The following MACF1 variants were observed in gnomAD, a reference collection of about 807,000 sequenced individuals.
MACF1 encodes microtubule actin crosslinking factor 1.
In MACF1, 193 loss-of-function variants were observed where a neutral mutation model predicts 854.8. That is an observed-to-expected ratio of 0.23 (90% confidence interval 0.20 to 0.25). MACF1 has a LOEUF of 0.25. Among genes scored for constraint, MACF1 ranks in the 10% least tolerant of loss-of-function variants. MACF1 has a pLI of 1.00. For missense variants in MACF1, 7,722 were observed against 8,929.1 expected (o/e 0.86, Z 5.45); for synonymous variants, 3,185 against 3,226.7 (o/e 0.99, Z 0.44).
intron 2 of MACF1, among the ~76,000 whole-genome samples, chr1:39,122,994 G>A (rs1642756337): frequency 1.3e-5 from 2 of 152,038 alleles, no homozygotes; most frequent in South Asian, 4.1e-4. Context: ...AGCAAAAGTA[G>A]CAGAGAAACA....
intron 6 of MACF1, chr1:39,269,360 T>C (rs1269718383): frequency 2.3e-6 from 3 of 1,289,302 alleles, no homozygotes; most frequent in East Asian, 1.1e-4. Flanking sequence ...AGGGCTGGAG[T>C]GTGGAGGAAG....
At chr1:39,476,580 A>G in intron 97 of MACF1, among the ~76,000 whole-genome samples, 1 of 152,026 alleles carries the variant, frequency 6.6e-6, no homozygotes, top group Admixed American at 6.6e-5. Context: ...CAAAAAAAAA[A>G]AAGAAAGAAA....
At chr1:39,121,257 A>G (rs1472818510) in intron 2 of MACF1, among the ~76,000 whole-genome samples, 2 of 152,154 alleles carry the variant, frequency 1.3e-5, no homozygotes, top group Non-Finnish European at 2.9e-5. Context: ...TCTCCTTACC[A>G]GGTAAGTGGG....
At chr1:39,173,603 C>T (rs1274313240) in intron 2 of MACF1, among the ~76,000 whole-genome samples, 2 of 152,130 alleles carry the variant, frequency 1.3e-5, no homozygotes, top group African/African-American at 2.4e-5. Context: ...TGAACAGTCC[C>T]CTCTGGGCAG....
At chr1:39,128,075 T>G (rs1642906392) in intron 2 of MACF1, among the ~76,000 whole-genome samples, 1 of 152,176 alleles carries the variant, frequency 6.6e-6, no homozygotes, top group Non-Finnish European at 1.5e-5. Flanking sequence ...TCCTTACAGG[T>G]TTTTTCTTGC....
At chr1:39,386,525 C>T (rs182541557) in intron 57 of MACF1, among the ~76,000 whole-genome samples, 21 of 151,678 alleles carry the variant, frequency 1.4e-4, no homozygotes, top group East Asian at 7.8e-4. Flanking sequence ...TCCGCCTCCT[C>T]GGTTCAAGCA....
Position 39,334,763 on chromosome 1 carries a change from G to A in MACF1, c.8175G>A (p.Gln2725=). Residue 2725 remains glutamine (Q), a synonymous_variant, in exon 37 of 101, where the codon CAG becomes CAA. Coordinates refer to ENST00000564288, the MANE Select transcript of MACF1 (RefSeq NM_001394062.1). Reference sequence around the variant, plus strand: ...TGGTCAGAATTATTGCATCTCATCAGGTGTTAAATGGAGGAATTGTTGACA... The same window carrying A: ...TGGTCAGAATTATTGCATCTCATCAAGTGTTAAATGGAGGAATTGTTGACA... ...ENMVRIIASH[Q]VLNGGIVDIF... The A allele has an allele frequency of 6.2e-7, 1 of 1,614,142 alleles. No homozygotes were observed. The highest frequency in any genetic ancestry group is 1.1e-5 in the South Asian group (1 of 91,070).
intron 49 of MACF1, 79 bp downstream of exon 49, chr1:39,361,756 C>T (rs1648203868): frequency 2.2e-6 from 3 of 1,354,948 alleles, no homozygotes; most frequent in Non-Finnish European, 3.1e-6. Context: ...TGAGCGCATA[C>T]TACATCAGTC....
At position 39,336,276 on chromosome 1, in the gene MACF1, G is replaced by A. The variant is rs1484387856; in HGVS notation, c.9688G>A (p.Ala3230Thr). The A allele has an allele frequency of 6.2e-6, 10 of 1,613,958 alleles. No individual in the cohort carries two copies. The highest frequency in any genetic ancestry group is 2.2e-5 in the South Asian group (2 of 91,070). ...KLCGTLKSEI[A>T]TQELTGEKFL... Reference sequence around the variant, plus strand: ...TTGTGGAACTCTCAAATCTGAAATAGCAACACAGGAACTAACTGGAGAGAA... The same window carrying A: ...TTGTGGAACTCTCAAATCTGAAATAACAACACAGGAACTAACTGGAGAGAA... The change falls in exon 37 of 101, where the codon GCA (alanine) becomes ACA (threonine). Residue 3230 changes from alanine (A) to threonine (T), a missense_variant. Ala to Thr is a moderately conservative substitution (Grantham distance 58). Coordinates refer to ENST00000564288, the MANE Select transcript of MACF1 (RefSeq NM_001394062.1).
At chr1:39,269,923 G>C (rs547472843) in intron 6 of MACF1, among the ~76,000 whole-genome samples, 1 of 152,266 alleles carries the variant, frequency 6.6e-6, no homozygotes, top group African/African-American at 2.4e-5. Context: ...TTGTCTCTGG[G>C]GAATCCCTGA....
intron 2 of MACF1, among the ~76,000 whole-genome samples, chr1:39,187,991 C>A (rs1291280880): frequency 6.8e-6 from 1 of 146,682 alleles, no homozygotes; most frequent in East Asian, 2.0e-4. Flanking sequence ...CCCTCCCCTC[C>A]CCTCCCCTTC....
At chr1:39,467,479 T>C (rs1644694884) in intron 95 of MACF1, among the ~76,000 whole-genome samples, 1 of 152,258 alleles carries the variant, frequency 6.6e-6, no homozygotes, top group Non-Finnish European at 1.5e-5. Flanking sequence ...TTTTGGAAAC[T>C]CTGCATACTT....
At chr1:39,307,266 T>G (rs929832810) in intron 23 of MACF1, among the ~76,000 whole-genome samples, 1 of 85,878 alleles carries the variant, frequency 1.2e-5, no homozygotes, top group African/African-American at 4.9e-5. Flanking sequence ...GCCATTTTCA[T>G]TCTTTCTCTT....
At chr1:39,412,925 C>T in intron 58 of MACF1, 1 of 1,605,618 alleles carries the variant, frequency 6.2e-7, no homozygotes, top group Middle Eastern at 1.7e-4. Context: ...CTAGTTGCTT[C>T]AATAGTCTCC....
rs559470882 is a variant in MACF1 at position 39,419,907 on chromosome 1, A to G, written c.15817-2467A>G. Reference sequence around the variant, plus strand: ...GGTCTCAAACTCCTGAGCTCTGGCAATCTGTCTGCCTTGGCCTCCCAAAGT... The same window carrying G: ...GGTCTCAAACTCCTGAGCTCTGGCAGTCTGTCTGCCTTGGCCTCCCAAAGT... On this transcript the variant is annotated intron_variant, in intron 58 of 100. Transcript: ENST00000564288. 4.2e-4 allele frequency among the ~76,000 whole-genome samples: 64 copies of G among 151,088 alleles called. No homozygotes were observed. The Middle Eastern group carries it at 0.01, about 24-fold the overall frequency.
intron 72 of MACF1, 81 bp from the exon 73 acceptor site, chr1:39,440,922 G>A: frequency 7.1e-7 from 1 of 1,404,814 alleles, no homozygotes; most frequent in Non-Finnish European, 1.0e-6. Context: ...GCTATTGATG[G>A]GGTATAAATC....
chr1:39,102,207 GAGAGAA>G (rs1330493193), intron 2 of MACF1, among the ~76,000 whole-genome samples: 2 of 151,068 alleles, frequency 1.3e-5, no homozygotes, highest in Non-Finnish European at 1.5e-5. Context: ...GAGAGAGAGA[GAGAGAA>G]AGAGAGAGAG....
At position 39,380,336 on chromosome 1, in the gene MACF1, G is replaced by A. The variant is rs1457271203; in HGVS notation, c.13611G>A (p.Gln4537=). The A allele has an allele frequency of 6.2e-7, 1 of 1,613,386 alleles. No homozygotes were observed. Among genetic ancestry groups the A allele is most frequent in the Non-Finnish European group, 8.5e-7 (1 of 1,179,754 alleles). Residue 4537 remains glutamine, a synonymous_variant, in exon 55 of 101, where the codon CAG becomes CAA. Coordinates refer to ENST00000564288, the MANE Select transcript of MACF1 (RefSeq NM_001394062.1). The part of the protein sequence containing the change: ...AGLLVTYPNS[Q]EAENWKKIQE... ...TACTGGTGACATATCCCAACTCACAGGAAGCAGAAAATTGGAAGAAAATTC... is the reference window on the plus strand; with the variant it reads ...TACTGGTGACATATCCCAACTCACAAGAAGCAGAAAATTGGAAGAAAATTC...
chr1:39,360,012 AATATATATATATATATATAT>A (rs1188839648), intron 47 of MACF1, among the ~76,000 whole-genome samples: 48 of 28,832 alleles, frequency 1.7e-3, no homozygotes, highest in East Asian at 9.5e-3. Flanking sequence ...AAAAAAAAAA[AATATATATATATATATATAT>A]ATATATATAT....
Sources: allele counts gnomAD v4.1 joint callset (sites outside exome capture counted in the v4.1 genomes callset), GRCh38; gene constraint gnomAD v4.1.1; transcripts MANE v1.5; gene names NCBI Gene and HGNC (gene_info 2026-07-23, HGNC 2026-07-21).